The following TUBA4B variants were observed in gnomAD, a reference collection of about 807,000 sequenced individuals.
TUBA4B encodes the protein tubulin-like protein alpha-4B.
Under a neutral mutation model 18.4 loss-of-function variants are expected in TUBA4B, and 13 were observed. That is an observed-to-expected ratio of 0.71 (90% CI 0.46 to 1.12). The LOEUF (loss-of-function observed/expected upper bound fraction) is 1.12. Ranked by LOEUF, TUBA4B falls within the 50% of genes most tolerant of loss-of-function variation. The probability of loss-of-function intolerance (pLI) is 0.00; values close to 1 mark genes in which losing one functional copy is unlikely to be tolerated. For synonymous variants in TUBA4B, 101 were observed against 99.1 expected (o/e 1.02, Z -0.11); for missense variants, 244 against 250.0 (o/e 0.98, Z 0.16).
chr2:219,259,878 C>T (rs1284457192), intron 1 of TUBA4B, among the ~76,000 whole-genome samples: 2 of 152,202 alleles, frequency 1.3e-5, no homozygotes, highest in Admixed American at 1.3e-4. Flanking sequence ...TAGCCCTACT[C>T]ATCACATATC....
At chr2:219,257,641 CAAAAAAAA>C (rs1158116997) in intron 1 of TUBA4B, among the ~76,000 whole-genome samples, 7 of 41,486 alleles carry the variant, frequency 1.7e-4, no homozygotes, top group Non-Finnish European at 2.7e-4. Context: ...GACACTGTCT[CAAAAAAAA>C]AAAAAAAAAA....
rs536672526 is a variant in TUBA4B, at chr2:219,271,153, C to T, written c.193-13C>T. On this transcript the variant is annotated splice_polypyrimidine_tract_variant and intron_variant, in intron 3 of 3. Coordinates refer to ENST00000490341, the MANE Select transcript of TUBA4B (RefSeq NM_001355221.1). ...CTCCATGCCCCACATTTCCCCTCCC[C>T]TTCCCTGTCTAGGCTGACCAGTGCA... 1.3e-5 allele frequency: 11 copies of T among 826,762 alleles called. No individual in the cohort carries two copies. In the African/African-American group the frequency reaches 1.7e-4, roughly 13 times the overall value. The allele number at this position is 826,762 out of a possible 1,614,324, so 51.2% of individuals were successfully genotyped here. A position where few individuals can be genotyped will look rare whatever the true frequency, so the allele number is the denominator to read the frequency against.
At chr2:219,261,649 A>T (rs1445044174) in intron 1 of TUBA4B, among the ~76,000 whole-genome samples, 1 of 151,552 alleles carries the variant, frequency 6.6e-6, no homozygotes, top group African/African-American at 2.4e-5. Context: ...ACTTCTCACC[A>T]CCCCCTACTA....
intron 2 of TUBA4B, among the ~76,000 whole-genome samples, chr2:219,267,229 T>C (rs537542872): frequency 2.0e-5 from 3 of 152,318 alleles, no homozygotes; most frequent in Non-Finnish European, 2.9e-5. Flanking sequence ...ATCCCTGCTC[T>C]AAATATTCTT....
chr2:219,271,062 G>T, intron 3 of TUBA4B, 104 bp from the exon 4 acceptor site: 1 of 610,942 alleles, frequency 1.6e-6, no homozygotes, highest in East Asian at 2.7e-5. Flanking sequence ...AGTCTTCCAA[G>T]GAGTTCATGA....
At chr2:219,253,832 C>A (rs1426925018) in intron 1 of TUBA4B, 2 of 1,515,588 alleles carry the variant, frequency 1.3e-6, no homozygotes, top group African/African-American at 2.8e-5. Flanking sequence ...GGGACAGGCG[C>A]GACCCCGGCC....
At chr2:219,266,264 T>G in intron 1 of TUBA4B, 2 of 460,074 alleles carry the variant, frequency 4.3e-6, no homozygotes, top group Non-Finnish European at 7.7e-6. Flanking sequence ...TGACAACAGA[T>G]ACCATGTACC....
In TUBA4B at chr2:219,271,676, T is replaced by G. The variant is rs1951827718; in HGVS notation, c.703T>G (p.Leu235Val). 1 of 1,613,544 alleles carries G rather than the reference T, an allele frequency of 6.2e-7. No homozygotes were observed. The highest frequency in any genetic ancestry group is 1.3e-5 in the African/African-American group (1 of 75,036). ...GTGGCAGAGATTACCAATGCCTGCT[T>G]TGAGCCTGCCAACCAGATGGTGAAG... ...CWWQRLPMPA[L>V]SLPTRW Residue 235 changes from leucine (L) to valine (V), a missense_variant, in exon 4 of 4, where the codon TTG becomes GTG. Leu to Val is a conservative substitution (Grantham distance 32). Transcript: ENST00000490341.
chr2:219,256,793 G>T (rs939379055), intron 1 of TUBA4B, among the ~76,000 whole-genome samples: 2 of 152,116 alleles, frequency 1.3e-5, no homozygotes, highest in African/African-American at 4.8e-5. Context: ...TTTGAGACCA[G>T]CTTGGGCAAC....
intron 1 of TUBA4B, among the ~76,000 whole-genome samples, chr2:219,264,167 G>T (rs1951775446): frequency 6.6e-6 from 1 of 152,174 alleles, no homozygotes; most frequent in Non-Finnish European, 1.5e-5. Flanking sequence ...AAGAGGTTAA[G>T]AACAACAATA....
At chr2:219,268,015 A>T (rs1951800694) in intron 2 of TUBA4B, among the ~76,000 whole-genome samples, 1 of 151,804 alleles carries the variant, frequency 6.6e-6, no homozygotes, top group Non-Finnish European at 1.5e-5. Flanking sequence ...TCAGAGGTGC[A>T]GCACCAGGCA....
In TUBA4B at chr2:219,271,630, G is replaced by A. The variant is rs774209755; in HGVS notation, c.657G>A (p.Arg219=). The A allele has an allele frequency of 8.7e-6, 14 of 1,613,830 alleles. No individual in the cohort carries two copies. The highest frequency in any genetic ancestry group is 1.7e-6 in the Non-Finnish European group (2 of 1,179,874). Residue 219 remains arginine, a synonymous_variant, in exon 4 of 4, where the codon AGG becomes AGA. Transcript: ENST00000490341. ...TGCACCAGTCATCTCTGCAGAAAAG[G>A]TATACCACGAGCAGCTGTTGGTGGC... ...PPMHQSSLQK[R]YTTSSCWWQR...
At chr2:219,259,046 G>A (rs1951742116) in intron 1 of TUBA4B, among the ~76,000 whole-genome samples, 1 of 151,896 alleles carries the variant, frequency 6.6e-6, no homozygotes, top group East Asian at 1.9e-4. Context: ...ACTCTGGGAG[G>A]CCGAGGCAGG....
At chr2:219,261,096 T>A (rs1431072645) in intron 1 of TUBA4B, among the ~76,000 whole-genome samples, 1 of 152,160 alleles carries the variant, frequency 6.6e-6, no homozygotes, top group Non-Finnish European at 1.5e-5. Flanking sequence ...AAACCTAACT[T>A]ATCAATGGCT....
chr2:219,256,256 A>G (rs1351273284), intron 1 of TUBA4B, among the ~76,000 whole-genome samples: 1 of 152,272 alleles, frequency 6.6e-6, no homozygotes, highest in East Asian at 1.9e-4. Context: ...AGAGATGTAC[A>G]TATTCACATC....
At chr2:219,264,756 G>A (rs1951780492) in intron 1 of TUBA4B, among the ~76,000 whole-genome samples, 2 of 152,258 alleles carry the variant, frequency 1.3e-5, no homozygotes, top group South Asian at 4.1e-4. Flanking sequence ...CGTATACATT[G>A]TGTTTTTCTG....
chr2:219,266,592 C>T (rs752489073), intron 2 of TUBA4B, 26 bp downstream of exon 2: 4 of 702,550 alleles, frequency 5.7e-6, no homozygotes, highest in Non-Finnish European at 1.0e-5. Flanking sequence ...CTTGGGGGGA[C>T]TGAGCATGCA....
Position 219,270,262 on chromosome 2 carries a change from A to G in TUBA4B, c.119A>G (p.Asn40Ser), listed in dbSNP as rs1035841748. The change falls in exon 3 of 4, where the codon AAT (asparagine) becomes AGT (serine). Residue 40 changes from asparagine to serine, a missense_variant. Asn to Ser is a conservative substitution (Grantham distance 46). Coordinates refer to ENST00000490341, the MANE Select transcript of TUBA4B (RefSeq NM_001355221.1). Reference protein sequence around the residue: ...QLITGKEDAANNYAWGHYTIG... With the variant: ...QLITGKEDAASNYAWGHYTIG... Reference sequence around the variant, plus strand: ...ATCACAGGCAAGGAAGATGCTGCCAATAACTATGCCTGGGGCCACTACACC... The same window carrying G: ...ATCACAGGCAAGGAAGATGCTGCCAGTAACTATGCCTGGGGCCACTACACC... The G allele has an allele frequency of 2.6e-6, 2 of 770,054 alleles. No homozygotes were observed. Among genetic ancestry groups the G allele is most frequent in the African/African-American group, 1.7e-5 (1 of 59,026 alleles). The allele number at this position is 770,054 out of a possible 1,614,324, so 47.7% of individuals were successfully genotyped here. A position where few individuals can be genotyped will look rare whatever the true frequency, so the allele number is the denominator to read the frequency against.
At chr2:219,253,501 C>T in intron 1 of TUBA4B, 82 bp downstream of exon 1, 1 of 1,158,120 alleles carries the variant, frequency 8.6e-7, no homozygotes, top group Non-Finnish European at 1.2e-6. Flanking sequence ...TGTAAGAGGG[C>T]AGCCAAACCC....
Sources: gnomAD v4.1 joint callset for allele counts (sites outside exome capture counted in the v4.1 genomes callset) on GRCh38, gnomAD v4.1.1 for gene constraint, MANE v1.5 for transcripts, NCBI Gene and HGNC (gene_info 2026-07-23, HGNC 2026-07-21) for gene names.